Variants in TGM7 observed in about 807,000 individuals in gnomAD.
The protein encoded by TGM7 is protein-glutamine gamma-glutamyltransferase Z.
TGM7 carries 74 observed loss-of-function variants against 79.5 expected under a neutral mutation model. That is an observed-to-expected ratio of 0.93 (90% CI 0.77 to 1.13). The LOEUF is 1.13. Among genes scored for constraint, TGM7 ranks in the 50% most tolerant of loss-of-function variants. The pLI, the probability that TGM7 is intolerant of heterozygous loss-of-function variation, is 0.00. For synonymous variants in TGM7, 354 were observed against 362.5 expected, an observed-to-expected ratio of 0.98 and a Z score of 0.27; for missense variants, 912 against 905.9, an observed-to-expected ratio of 1.01 and a Z score of -0.09.
rs374276340 is a variant in TGM7 at position 43,291,986 on chromosome 15, T to C, written c.551A>G (p.Tyr184Cys). 19 of 1,613,104 alleles carry C rather than the reference T, an allele frequency of 1.2e-5. No individual in the cohort carries two copies. Among genetic ancestry groups the C allele is most frequent in the Admixed American group, 1.7e-5 (1 of 59,994 alleles). Reference protein sequence around the residue: ...ERFITSWPWNYGQFEEDIIDI... With the variant: ...ERFITSWPWNCGQFEEDIIDI... ...ATTGGGTAATAGTGTTACCTGCCCG[T>C]AGTTCCAGGGCCAGGAGGTGATGAA... Residue 184 changes from tyrosine (Y) to cysteine (C), a missense_variant, in exon 4 of 13, where the codon TAC (tyrosine) becomes TGC (cysteine). By Grantham distance (194) the Tyr-to-Cys change is radical. Coordinates refer to ENST00000452443, the MANE Select transcript of TGM7 (RefSeq NM_052955.3).
Position 43,279,160 on chromosome 15 carries a change from A to G in TGM7, c.1796T>C (p.Val599Ala). The stretch of plus-strand genomic sequence containing the variant: ...AGGCTCCAGACAGATATCTTTTAGG[A>G]CCAGCATGGACCTCCCTGTCTCTTC... The part of the protein sequence containing the change: ...EVEETGRSML[V>A]LKDICLEPPH... The change falls in exon 11 of 13, where the codon GTC (valine) becomes GCC (alanine). Residue 599 changes from valine (V) to alanine (A), a missense_variant. Coordinates refer to ENST00000452443, the MANE Select transcript of TGM7 (RefSeq NM_052955.3). 1 of 1,614,064 alleles carries G rather than the reference A, an allele frequency of 6.2e-7. No homozygotes were observed. The highest frequency in any genetic ancestry group is 2.2e-5 in the East Asian group (1 of 44,878).
chr15:43,297,612 A>AGAAAGAAAG (rs2043005185), intron 1 of TGM7, among the ~76,000 whole-genome samples: 1 of 150,644 alleles, frequency 6.6e-6, no homozygotes, highest in Non-Finnish European at 1.5e-5. Context: ...AAAGAAAGAA[A>AGAAAGAAAG]GAAAGAAAGA....
At position 43,276,342 on chromosome 15, in the gene TGM7, C is replaced by T. The variant is rs2042876860; in HGVS notation, c.*113G>A. Reference sequence around the variant, plus strand: ...ACGGTGTTTCTAACAGAGCTTCATTCATTCCCAGGCAGGCTAGAGAGAGGA... The same window carrying T: ...ACGGTGTTTCTAACAGAGCTTCATTTATTCCCAGGCAGGCTAGAGAGAGGA... On this transcript the variant is annotated 3_prime_UTR_variant, in exon 13 of 13. Transcript: ENST00000452443. 8.0e-7 allele frequency: 1 copy of T among 1,253,780 alleles called. No individual in the cohort carries two copies. The highest frequency in any genetic ancestry group is 1.1e-6 in the Non-Finnish European group (1 of 905,016). The allele number at this position is 1,253,780 out of a possible 1,614,324, so 77.7% of individuals were successfully genotyped here. A position where few individuals can be genotyped will look rare whatever the true frequency, so the allele number is the denominator to read the frequency against.
chr15:43,287,252 AC>A, intron 6 of TGM7, 27 bp downstream of exon 6: 6 of 1,601,882 alleles, frequency 3.7e-6, no homozygotes, highest in Non-Finnish European at 5.1e-6. Flanking sequence ...AGTTAATCAC[AC>A]CCCTAAGTGA....
intron 1 of TGM7, among the ~76,000 whole-genome samples, chr15:43,296,153 A>T (rs191083061): frequency 1.1e-3 from 169 of 152,280 alleles, no homozygotes; most frequent in Non-Finnish European, 1.9e-3. Flanking sequence ...CAGCCGGGTG[A>T]GGTGGCTCAC....
At chr15:43,279,093 C>T in intron 11 of TGM7, 24 bp downstream of exon 11, 1 of 1,599,094 alleles carries the variant, frequency 6.3e-7, no homozygotes, top group Non-Finnish European at 8.5e-7. Flanking sequence ...AGCCTCAGAG[C>T]CCCCACCCAT....
chr15:43,279,644 C>G lies in TGM7; in HGVS notation c.1659G>C (p.Met553Ile). The G allele has an allele frequency of 6.2e-7, 1 of 1,602,478 alleles. No individual in the cohort carries two copies. ...ACTCACCCTTCCCAAAGTCCAGGTTCATCCGCACTGTGTGCCTCCAGAAGG... is the reference window on the plus strand; with the variant it reads ...ACTCACCCTTCCCAAAGTCCAGGTTGATCCGCACTGTGTGCCTCCAGAAGG... ...QKPFWRHTVR[M>I]NLDFGKETQW... Residue 553 changes from methionine (M) to isoleucine (I), a missense_variant, in exon 10 of 13, where the codon ATG becomes ATC. By Grantham distance (10) the Met-to-Ile change is conservative. Transcript: ENST00000452443.
chr15:43,278,609 C>T (rs1281807921), intron 11 of TGM7, among the ~76,000 whole-genome samples: 1 of 152,176 alleles, frequency 6.6e-6, no homozygotes, highest in Non-Finnish European at 1.5e-5. Flanking sequence ...CACCACCACA[C>T]CAGCTAACTT....
chr15:43,281,340 G>A (rs2042907753), intron 9 of TGM7, among the ~76,000 whole-genome samples: 1 of 152,200 alleles, frequency 6.6e-6, no homozygotes, highest in South Asian at 2.1e-4. Context: ...ACAGGCCCAG[G>A]GGCCCATCCC....
rs1414912891 is a variant in TGM7, at chr15:43,302,238, C to A, written c.10+3G>T. 2.5e-6 allele frequency: 4 copies of A among 1,614,076 alleles called. No homozygotes were observed. The highest frequency in any genetic ancestry group is 3.4e-6 in the Non-Finnish European group (4 of 1,180,046). Reference sequence around the variant, plus strand: ...AAAAGGTAAGTCGATTCCCAGTACTCACCCTGATCCATCTCCCTCCTTCTC... The same window carrying A: ...AAAAGGTAAGTCGATTCCCAGTACTAACCCTGATCCATCTCCCTCCTTCTC... On this transcript the variant is annotated splice_donor_region_variant and intron_variant, in intron 1 of 12. Coordinates refer to ENST00000452443, the MANE Select transcript of TGM7 (RefSeq NM_052955.3).
At position 43,279,947 on chromosome 15, in the gene TGM7, G is replaced by T. The variant is rs2042899227; in HGVS notation, c.1356C>A (p.Ser452=). Reference sequence around the variant, plus strand: ...TCATGAAGACAGCTCTCTCCTCAGGGGATCCTGCAGAAGGGAGAGGTAGGA... The same window carrying T: ...TCATGAAGACAGCTCTCTCCTCAGGTGATCCTGCAGAAGGGAGAGGTAGGA... ...ITSSYKYPEG[S]PEERAVFMKA... is the part of the protein sequence containing the mutation. The change falls in exon 10 of 13, where the codon TCC becomes TCA. Residue 452 remains serine, a synonymous_variant. Transcript: ENST00000452443. 6.2e-7 allele frequency: 1 copy of T among 1,613,368 alleles called. No homozygotes were observed. The highest frequency in any genetic ancestry group is 8.5e-7 in the Non-Finnish European group (1 of 1,179,556).
At chr15:43,285,620 A>C (rs991951242) in intron 6 of TGM7, among the ~76,000 whole-genome samples, 4 of 151,988 alleles carry the variant, frequency 2.6e-5, no homozygotes, top group African/African-American at 9.7e-5. Flanking sequence ...AGGTAGGGGG[A>C]GGTATGAAAG....
chr15:43,300,464 AT>A (rs1293908325), intron 1 of TGM7, among the ~76,000 whole-genome samples: 7 of 152,082 alleles, frequency 4.6e-5, no homozygotes, highest in Non-Finnish European at 1.0e-4. Flanking sequence ...AGATTTTCAA[AT>A]TTTTTTTCCA....
At chr15:43,291,691 C>T (rs908045800) in intron 4 of TGM7, among the ~76,000 whole-genome samples, 1 of 152,230 alleles carries the variant, frequency 6.6e-6, no homozygotes, top group Non-Finnish European at 1.5e-5. Context: ...TTGATCACTA[C>T]TGAAGCTGAG....
At chr15:43,290,029 A>T (rs1021336995) in intron 4 of TGM7, among the ~76,000 whole-genome samples, 1 of 152,060 alleles carries the variant, frequency 6.6e-6, no homozygotes, top group African/African-American at 2.4e-5. Flanking sequence ...GCTTACTCTG[A>T]TGGTAGTTTC....
Position 43,287,549 on chromosome 15 carries a change from TCA to T in TGM7, c.677_678del (p.Val226GlufsTer9), listed in dbSNP as rs1203592794. ...RNDVVYVCRV[V>X]SAMINSNDDN... is the part of the protein sequence containing the mutation. ...GAAGCATCCATCCTTACCATGGCAC[TCA>T]CCACCCTGCACACATACACCACGTC... On this transcript the variant is annotated frameshift_variant, in exon 5 of 13. Coordinates refer to ENST00000452443, the MANE Select transcript of TGM7 (RefSeq NM_052955.3). LOFTEE classifies it high-confidence loss of function. 4.3e-6 allele frequency: 7 copies of T among 1,613,860 alleles called. No individual in the cohort carries two copies. Among genetic ancestry groups the T allele is most frequent in the Non-Finnish European group, 4.2e-6 (5 of 1,179,874 alleles).
At chr15:43,285,049 G>A (rs1279118713) in intron 6 of TGM7, 97 bp from the exon 7 acceptor site, 1 of 1,444,504 alleles carries the variant, frequency 6.9e-7, no homozygotes, top group Non-Finnish European at 9.5e-7. Context: ...AGGAGAGAAA[G>A]CCAAGACGCT....
At chr15:43,300,776 G>C (rs2043021650) in intron 1 of TGM7, among the ~76,000 whole-genome samples, 2 of 152,158 alleles carry the variant, frequency 1.3e-5, no homozygotes, top group South Asian at 4.2e-4. Flanking sequence ...ACTCCATCCA[G>C]CCTGGGCAAT....
chr15:43,279,131 G>A lies in TGM7; in HGVS notation c.1825C>T (p.His609Tyr). ...VLKDICLEPP[H>Y]LSIEVSERAE... The stretch of plus-strand genomic sequence containing the variant: ...CCAGACACTACCTCAATAGACAAGT[G>A]GGGAGGCTCCAGACAGATATCTTTT... The change falls in exon 11 of 13, where the codon CAC becomes TAC. Residue 609 changes from histidine to tyrosine, a missense_variant. By Grantham distance (83) the His-to-Tyr change is moderately conservative. Transcript: ENST00000452443. The A allele has an allele frequency of 6.2e-7, 1 of 1,613,500 alleles. No homozygotes were observed. Among genetic ancestry groups the A allele is most frequent in the Non-Finnish European group, 8.5e-7 (1 of 1,179,768 alleles).
Sources: allele counts gnomAD v4.1 joint callset (sites outside exome capture counted in the v4.1 genomes callset), GRCh38; gene constraint gnomAD v4.1.1; transcripts MANE v1.5; gene names NCBI Gene and HGNC (gene_info 2026-07-23, HGNC 2026-07-21).